The following ADGRB3 variants were observed in gnomAD, a reference collection of about 807,000 sequenced individuals.
The protein encoded by ADGRB3 is brain-specific angiogenesis inhibitor 3.
Under a neutral mutation model 193.4 loss-of-function variants are expected in ADGRB3, and 37 were observed. The observed-to-expected ratio is 0.19, with a 90% CI of 0.15 to 0.25. ADGRB3 has a LOEUF of 0.25. Ranked by LOEUF, ADGRB3 falls within the 10% of genes least tolerant of loss-of-function variation. The pLI, the probability that ADGRB3 is intolerant of heterozygous loss-of-function variation, is 1.00. For missense variants in ADGRB3, 1,637 were observed against 1,852.9 expected, an observed-to-expected ratio of 0.88 and a Z score of 2.14; for synonymous variants, 690 against 644.2, an observed-to-expected ratio of 1.07 and a Z score of -1.08.
In ADGRB3 at chr6:68,936,979, A is replaced by G. The variant is rs745595709; in HGVS notation, c.1030+299A>G. Among the ~76,000 whole-genome samples, 12 of 152,262 alleles carry G rather than the reference A, an allele frequency of 7.9e-5. No homozygotes were observed. In the Middle Eastern group the frequency reaches 0.01, roughly 129 times the overall value. ...TCTTTCTGTGTTTTAGATGGTGAAA[A>G]TGTTCAATTGAATGCTTGAGGAAAA... On this transcript the variant is annotated intron_variant, in intron 5 of 31. Transcript: ENST00000370598.
chr6:69,338,734 G>A (rs1009722754), intron 24 of ADGRB3, among the ~76,000 whole-genome samples, 182 bp from the exon 25 acceptor site: 1 of 152,116 alleles, frequency 6.6e-6, no homozygotes, highest in African/African-American at 2.4e-5. Context: ...CATATTAAAA[G>A]GTAAATGTTA....
At chr6:68,994,073 A>C in intron 11 of ADGRB3, 111 bp downstream of exon 11, 1 of 1,041,724 alleles carries the variant, frequency 9.6e-7, no homozygotes, top group Non-Finnish European at 1.4e-6. Context: ...GATAATGCTC[A>C]TCCAAGTTAT....
chr6:68,832,307 GTC>G (rs1260952275), intron 3 of ADGRB3, among the ~76,000 whole-genome samples: 1 of 152,040 alleles, frequency 6.6e-6, no homozygotes, highest in Non-Finnish European at 1.5e-5. Flanking sequence ...ATGTTGATTT[GTC>G]TCTGTTTATT....
intron 3 of ADGRB3, among the ~76,000 whole-genome samples, chr6:68,684,090 C>T (rs566587553): frequency 1.3e-5 from 2 of 152,162 alleles, no homozygotes; most frequent in Non-Finnish European, 2.9e-5. Context: ...CTGAAATATG[C>T]GGCAACAGAC....
chr6:69,039,652 G>A (rs1325681750), intron 13 of ADGRB3, among the ~76,000 whole-genome samples: 1 of 151,924 alleles, frequency 6.6e-6, no homozygotes, highest in Non-Finnish European at 1.5e-5. Context: ...GAATTAGCAT[G>A]CCATAGTAAA....
chr6:69,311,361 A>C (rs1263727022), intron 20 of ADGRB3, among the ~76,000 whole-genome samples: 1 of 151,750 alleles, frequency 6.6e-6, no homozygotes, highest in Non-Finnish European at 1.5e-5. Context: ...GGACTGGAAT[A>C]TGTGGTTTCA....
rs948598612 is a variant in ADGRB3 at position 68,968,445 on chromosome 6, T to A, written c.1526-6318T>A. ...CTTATGTCACGACTGAATCAGGAAA[T>A]CTAGTATTCAACTATAGCAACAGGT... is the stretch of plus-strand genomic sequence containing the variant. On this transcript the variant is annotated intron_variant, in intron 8 of 31. Transcript: ENST00000370598. 2.0e-5 allele frequency among the ~76,000 whole-genome samples: 3 copies of A among 152,294 alleles called. No individual in the cohort carries two copies. The East Asian group carries it at 5.8e-4, about 29-fold the overall frequency.
At chr6:68,905,808 G>C (rs1158425236) in intron 3 of ADGRB3, among the ~76,000 whole-genome samples, 1 of 152,090 alleles carries the variant, frequency 6.6e-6, no homozygotes, top group Admixed American at 6.6e-5. Context: ...TATTGTCCCA[G>C]TTTTCTCTCT....
chr6:68,867,000 T>G (rs1164228437), intron 3 of ADGRB3, among the ~76,000 whole-genome samples: 1 of 152,218 alleles, frequency 6.6e-6, no homozygotes, highest in Non-Finnish European at 1.5e-5. Context: ...ATTTGCAGAC[T>G]GACCATGTGG....
intron 20 of ADGRB3, among the ~76,000 whole-genome samples, chr6:69,239,923 C>A (rs1382815838): frequency 6.6e-6 from 1 of 152,044 alleles, no homozygotes; most frequent in Non-Finnish European, 1.5e-5. Flanking sequence ...CTTACCCCTG[C>A]CTCAAAAGGA....
At chr6:69,314,420 T>C (rs1445156958) in intron 20 of ADGRB3, among the ~76,000 whole-genome samples, 1 of 151,680 alleles carries the variant, frequency 6.6e-6, no homozygotes, top group African/African-American at 2.4e-5. Context: ...CACATAACTT[T>C]ATATTGACAG....
chr6:69,134,192 C>T (rs62406791), intron 17 of ADGRB3, among the ~76,000 whole-genome samples: 18,349 of 151,998 alleles, frequency 0.12, 1,204 homozygotes, highest in Middle Eastern at 0.29. Flanking sequence ...TTTAAATAAA[C>T]ACTCTCTCTA....
chr6:68,954,589 C>G (rs1768018212), intron 6 of ADGRB3, among the ~76,000 whole-genome samples: 1 of 152,112 alleles, frequency 6.6e-6, no homozygotes, highest in African/African-American at 2.4e-5. Flanking sequence ...CATCACAGCT[C>G]AGATCCTTCC....
intron 3 of ADGRB3, among the ~76,000 whole-genome samples, chr6:68,688,311 T>A (rs1364162383): frequency 1.3e-5 from 2 of 152,196 alleles, no homozygotes; most frequent in African/African-American, 4.8e-5. Flanking sequence ...ACATATGCCA[T>A]GATCGATAAA....
At chr6:69,294,179 A>ATT (rs71803817) in intron 20 of ADGRB3, among the ~76,000 whole-genome samples, 1 of 149,978 alleles carries the variant, frequency 6.7e-6, no homozygotes, top group Non-Finnish European at 1.5e-5. Context: ...AGCTTGTTTA[A>ATT]TTTTTTTTTT....
At chr6:68,773,903 A>C (rs2127357788) in intron 3 of ADGRB3, among the ~76,000 whole-genome samples, 1 of 152,248 alleles carries the variant, frequency 6.6e-6, no homozygotes, top group South Asian at 2.1e-4. Flanking sequence ...AGAGGGAAAA[A>C]GAAAGCCTCC....
intron 8 of ADGRB3, among the ~76,000 whole-genome samples, chr6:68,958,319 G>A (rs1768136426): frequency 1.3e-5 from 2 of 152,208 alleles, no homozygotes; most frequent in Admixed American, 1.3e-4. Flanking sequence ...GATTACCACT[G>A]TGAAATTCTT....
In ADGRB3 at chr6:69,382,993, C is replaced by T. The variant is rs1456585266; in HGVS notation, c.4380+58C>T. ...AGATGCATCATGTCAGATATTATTCCTGCCTTCCAGGACCTCCTAATGGTG... is the reference window on the plus strand; with the variant it reads ...AGATGCATCATGTCAGATATTATTCTTGCCTTCCAGGACCTCCTAATGGTG... On this transcript the variant is annotated intron_variant, in intron 31 of 31. Coordinates refer to ENST00000370598, the MANE Select transcript of ADGRB3 (RefSeq NM_001704.3). 5 of 1,236,460 alleles carry T rather than the reference C, an allele frequency of 4.0e-6. No homozygotes were observed. The East Asian group carries it at 1.3e-4, about 32-fold the overall frequency. 76.6% of individuals were successfully genotyped at this position (1,236,460 alleles called of 1,614,324 possible).
intron 20 of ADGRB3, among the ~76,000 whole-genome samples, chr6:69,264,490 G>C (rs1378997677): frequency 3.3e-5 from 5 of 150,860 alleles, no homozygotes; most frequent in Non-Finnish European, 7.4e-5. Flanking sequence ...TTTCCCACTA[G>C]ACAGGCATGT....
Sources: allele counts gnomAD v4.1 joint callset (sites outside exome capture counted in the v4.1 genomes callset), GRCh38; gene constraint gnomAD v4.1.1; transcripts MANE v1.5; gene names NCBI Gene and HGNC (gene_info 2026-07-23, HGNC 2026-07-21).